Variants in BTN2A2 observed in about 807,000 individuals in gnomAD.
BTN2A2 encodes the protein butyrophilin subfamily 2 member A2.
In BTN2A2, 29 loss-of-function variants were observed where a neutral mutation model predicts 34.7. The ratio of observed to expected loss-of-function variants is 0.84; its 90% CI spans 0.62 to 1.14. The LOEUF (loss-of-function observed/expected upper bound fraction) is 1.14, where lower values mean the gene tolerates loss of function less well. BTN2A2 is among the 50% of genes most tolerant of loss of function. The probability of loss-of-function intolerance (pLI) is 0.00; values close to 1 mark genes in which losing one functional copy is unlikely to be tolerated. For missense variants in BTN2A2, 612 were observed against 651.5 expected (o/e 0.94, Z 0.66); for synonymous variants, 240 against 253.1 (o/e 0.95, Z 0.49).
rs1471878494 is a variant in BTN2A2 at position 26,392,789 on chromosome 6, G to T, written c.1394G>T (p.Arg465Ile). The change falls in exon 8 of 8, where the codon AGA becomes ATA. Residue 465 changes from arginine (R) to isoleucine (I), a missense_variant. Coordinates refer to ENST00000356709, the MANE Select transcript of BTN2A2 (RefSeq NM_006995.5). ...GTCTCCTTCTACAACATGAGGGACA[G>T]ATCGCACATCTACACATGTCCCCGT... ...GDVSFYNMRDRSHIYTCPRSA... is the reference protein window; with the variant it reads ...GDVSFYNMRDISHIYTCPRSA... The T allele has an allele frequency of 1.2e-6, 2 of 1,613,868 alleles. No homozygotes were observed. Among genetic ancestry groups the T allele is most frequent in the Non-Finnish European group, 1.7e-6 (2 of 1,179,940 alleles).
chr6:26,389,993 CT>C lies in BTN2A2; in HGVS notation c.725-11del, dbSNP rs756556205. 6.2e-7 allele frequency: 1 copy of C among 1,609,856 alleles called. No individual in the cohort carries two copies. The highest frequency in any genetic ancestry group is 8.5e-7 in the Non-Finnish European group (1 of 1,178,028). Reference sequence around the variant, plus strand: ...TTTCAAACTAAATGGACTTTTCTGGCTGCCTTTTCAGAATCCTTTATGCCCA... The same window carrying C: ...TTTCAAACTAAATGGACTTTTCTGGCGCCTTTTCAGAATCCTTTATGCCCA... On this transcript the variant is annotated splice_polypyrimidine_tract_variant and intron_variant, in intron 4 of 7. Transcript: ENST00000356709.
chr6:26,392,164 C>T lies in BTN2A2; in HGVS notation c.980-211C>T, dbSNP rs1581607244. Reference sequence around the variant, plus strand: ...TTCATAGAGCCACAATTCTTCTCAACCTGGGGGCACTGCTTCTGTCTCTGG... The same window carrying T: ...TTCATAGAGCCACAATTCTTCTCAATCTGGGGGCACTGCTTCTGTCTCTGG... On this transcript the variant is annotated intron_variant, in intron 7 of 7. Coordinates refer to ENST00000356709, the MANE Select transcript of BTN2A2 (RefSeq NM_006995.5). 1.5e-5 allele frequency: 22 copies of T among 1,466,494 alleles called. No individual in the cohort carries two copies. In the South Asian group the frequency reaches 2.4e-4, roughly 16 times the overall value. 90.8% of individuals were successfully genotyped at this position (1,466,494 alleles called of 1,614,324 possible). A position where few individuals can be genotyped will look rare whatever the true frequency, so the allele number is the denominator to read the frequency against.
chr6:26,388,992 C>T (rs1042404462), intron 4 of BTN2A2, among the ~76,000 whole-genome samples: 15 of 152,064 alleles, frequency 9.9e-5, no homozygotes, highest in Non-Finnish European at 8.8e-5. Context: ...CGGTAGCAGG[C>T]GCCTGTAATC....
In BTN2A2 at chr6:26,392,884, C is replaced by A; in HGVS notation, c.1489C>A (p.Pro497Thr). 1.2e-6 allele frequency: 2 copies of A among 1,614,192 alleles called. No homozygotes were observed. The highest frequency in any genetic ancestry group is 1.7e-6 in the Non-Finnish European group (2 of 1,180,034). Residue 497 changes from proline to threonine, a missense_variant, in exon 8 of 8, where the codon CCT (proline) becomes ACT (threonine). By Grantham distance (38) the Pro-to-Thr change is conservative. Transcript: ENST00000356709. ...GSDDSPIFIC[P>T]ALTGASGVMV... ...TGATGACAGCCCCATCTTCATCTGC[C>A]CTGCACTCACAGGAGCCAGTGGGGT... is the stretch of plus-strand genomic sequence containing the variant.
chr6:26,387,511 G>A (rs1026786274), intron 3 of BTN2A2, among the ~76,000 whole-genome samples: 1 of 148,846 alleles, frequency 6.7e-6, no homozygotes, highest in African/African-American at 2.5e-5. Flanking sequence ...CAGGTGAATT[G>A]CCTTAGCTCA....
In BTN2A2 at chr6:26,393,325, TGGACTTGGAATGAG is replaced by T. The variant is rs1256696558; in HGVS notation, c.*360_*373del. 1 of 1,231,208 alleles carries T rather than the reference TGGACTTGGAATGAG, an allele frequency of 8.1e-7. No individual in the cohort carries two copies. The allele number at this position is 1,231,208 out of a possible 1,614,324, so 76.3% of individuals were successfully genotyped here. On this transcript the variant is annotated 3_prime_UTR_variant, in exon 8 of 8. Transcript: ENST00000356709. The stretch of plus-strand genomic sequence containing the variant: ...ATATGCCAGTTGGCACCAGATGCTG[TGGACTTGGAATGAG>T]GCCAACAGGGTTCACCAGGATGAGA...
At chr6:26,390,852 C>G (rs1259201633) in intron 7 of BTN2A2, 23 bp downstream of exon 7, 1 of 1,613,648 alleles carries the variant, frequency 6.2e-7, no homozygotes, top group African/African-American at 1.3e-5. Context: ...GATGTTCTCT[C>G]AGATCTCAGC....
chr6:26,388,195 A>G lies in BTN2A2; in HGVS notation c.625A>G (p.Thr209Ala). Reference sequence around the variant, plus strand: ...TGCTGACGGCCTCTTCATGGTCACCACAGCTGTGATCATCAGAGACAAGTA... The same window carrying G: ...TGCTGACGGCCTCTTCATGGTCACCGCAGCTGTGATCATCAGAGACAAGTA... ...ADADGLFMVT[T>A]AVIIRDKYVR... Residue 209 changes from threonine (T) to alanine (A), a missense_variant, in exon 4 of 8, where the codon ACA becomes GCA. By Grantham distance (58) the Thr-to-Ala change is moderately conservative (BLOSUM62 0). Transcript: ENST00000356709. 6.2e-7 allele frequency: 1 copy of G among 1,614,170 alleles called. No individual in the cohort carries two copies. The highest frequency in any genetic ancestry group is 8.5e-7 in the Non-Finnish European group (1 of 1,180,032).
At position 26,385,271 on chromosome 6, in the gene BTN2A2, T is replaced by C. The variant is rs1185218497; in HGVS notation, c.351T>C (p.His117=). The stretch of plus-strand genomic sequence containing the variant: ...GGGGCAGCGTGGCCCTGGTCATACA[T>C]AACGTCACAGCCCAGGAGAATGGGA... ...INRGSVALVI[H]NVTAQENGIY... Residue 117 remains histidine (H), a synonymous_variant, in exon 3 of 8, where the codon CAT becomes CAC. Transcript: ENST00000356709. 1 of 1,614,124 alleles carries C rather than the reference T, an allele frequency of 6.2e-7. No individual in the cohort carries two copies. Among genetic ancestry groups the C allele is most frequent in the Non-Finnish European group, 8.5e-7 (1 of 1,180,018 alleles).
rs1475201028 is a variant in BTN2A2, at chr6:26,392,844, C to T, written c.1449C>T (p.Phe483=). ...RSAFTVPVRP[F]FRLGSDDSPI... is the part of the protein sequence containing the mutation. The stretch of plus-strand genomic sequence containing the variant: ...CCTTTACTGTGCCTGTGAGGCCCTT[C>T]TTCAGGTTAGGGTCTGATGACAGCC... The change falls in exon 8 of 8, where the codon TTC becomes TTT. Residue 483 remains phenylalanine, a synonymous_variant. Transcript: ENST00000356709. 6.2e-7 allele frequency: 1 copy of T among 1,614,208 alleles called. No individual in the cohort carries two copies. The highest frequency in any genetic ancestry group is 1.1e-5 in the South Asian group (1 of 91,086).
chr6:26,390,196 G>A lies in BTN2A2; in HGVS notation c.916G>A (p.Glu306Lys). 6.2e-7 allele frequency: 1 copy of A among 1,613,664 alleles called. No individual in the cohort carries two copies. The highest frequency in any genetic ancestry group is 8.5e-7 in the Non-Finnish European group (1 of 1,179,866). ...LSGEKKVEQE[E>K]KEIAQQLQEE... ...AGGGGAAAAGAAAGTTGAACAAGAG[G>A]AAAAAGAAATTGCACGTAAGGAATT... The change falls in exon 5 of 8, where the codon GAA becomes AAA. Residue 306 changes from glutamate to lysine, a missense_variant. Coordinates refer to ENST00000356709, the MANE Select transcript of BTN2A2 (RefSeq NM_006995.5).
intron 3 of BTN2A2, among the ~76,000 whole-genome samples, chr6:26,387,580 AAAAG>A (rs61032872): frequency 0.16 from 20,297 of 127,836 alleles, 3,448 homozygotes; most frequent in African/African-American, 0.44. Flanking sequence ...AAAAAAAAAA[AAAAG>A]AAAGAAAGGA....
intron 4 of BTN2A2, 41 bp from the exon 5 acceptor site, chr6:26,389,964 T>G: frequency 6.3e-7 from 1 of 1,597,410 alleles, no homozygotes; most frequent in South Asian, 1.1e-5. Flanking sequence ...ATCCAGATGT[T>G]CTATTTCAAA....
chr6:26,393,198 T>C lies in BTN2A2; in HGVS notation c.*231T>C. Reference sequence around the variant, plus strand: ...GTAATTATGGGATGGGATCCAGGCATAGGGAACTAGTTGTTTCATAGCTCC... The same window carrying C: ...GTAATTATGGGATGGGATCCAGGCACAGGGAACTAGTTGTTTCATAGCTCC... On this transcript the variant is annotated 3_prime_UTR_variant, in exon 8 of 8. Coordinates refer to ENST00000356709, the MANE Select transcript of BTN2A2 (RefSeq NM_006995.5). 1 of 1,539,418 alleles carries C rather than the reference T, an allele frequency of 6.5e-7. No homozygotes were observed. Among genetic ancestry groups the C allele is most frequent in the Non-Finnish European group, 8.7e-7 (1 of 1,147,610 alleles).
In BTN2A2 at chr6:26,384,522, A is replaced by G. The variant is rs1240453043; in HGVS notation, c.95-493A>G. 2.0e-5 allele frequency among the ~76,000 whole-genome samples: 3 copies of G among 152,268 alleles called. No individual in the cohort carries two copies. Among genetic ancestry groups the G allele is most frequent in the Non-Finnish European group, 2.9e-5 (2 of 68,048 alleles). Reference sequence around the variant, plus strand: ...TGTATTTTGTTTCATATAAATAATCACATATCAATATTTAAATGCTTAGTT... The same window carrying G: ...TGTATTTTGTTTCATATAAATAATCGCATATCAATATTTAAATGCTTAGTT... On this transcript the variant is annotated intron_variant, in intron 2 of 7. Transcript: ENST00000356709. The surrounding 1 kb of genome is among the most constrained non-coding windows in gnomAD (Gnocchi z 4.0).
chr6:26,390,502 A>G, intron 5 of BTN2A2, 185 bp from the exon 6 acceptor site: 1 of 787,956 alleles, frequency 1.3e-6, no homozygotes, highest in Non-Finnish European at 2.1e-6. Flanking sequence ...AAGTCTAACA[A>G]TGTACTGATA....
Position 26,385,371 on chromosome 6 carries a change from C to G in BTN2A2, c.442+9C>G, listed in dbSNP as rs766746293. On this transcript the variant is annotated intron_variant, in intron 3 of 7. Transcript: ENST00000356709. ...ACGCCTCGTGGTGGCAGGTGCATCA[C>G]TTCATTTTGCTTTATTACTTTTGCA... 4 of 1,607,980 alleles carry G rather than the reference C, an allele frequency of 2.5e-6. No individual in the cohort carries two copies. The East Asian group carries it at 6.7e-5, about 27-fold the overall frequency.
At chr6:26,385,453 G>A (rs1355750464) in intron 3 of BTN2A2, 91 bp downstream of exon 3, 21 of 1,255,830 alleles carry the variant, frequency 1.7e-5, no homozygotes, top group Non-Finnish European at 2.2e-5. Flanking sequence ...GCAGACCAAC[G>A]GATTTCTATC....
rs181721317 is a variant in BTN2A2 at position 26,393,095 on chromosome 6, C to T, written c.*128C>T. ...ACGTAAGAGAACATCTTCCAGCTGCCTTTTTCACACCCACTCCAGCCCTCT... is the reference window on the plus strand; with the variant it reads ...ACGTAAGAGAACATCTTCCAGCTGCTTTTTTCACACCCACTCCAGCCCTCT... On this transcript the variant is annotated 3_prime_UTR_variant, in exon 8 of 8. Coordinates refer to ENST00000356709, the MANE Select transcript of BTN2A2 (RefSeq NM_006995.5). The T allele has an allele frequency of 1.3e-4, 208 of 1,610,314 alleles. No homozygotes were observed. In the Admixed American group the frequency reaches 1.9e-3, roughly 15 times the overall value.
Sources: gnomAD v4.1 joint callset for allele counts (sites outside exome capture counted in the v4.1 genomes callset) on GRCh38, gnomAD v4.1.1 for gene constraint, Gnocchi (gnomAD v3.1) non-coding constraint, MANE v1.5 for transcripts, NCBI Gene and HGNC (gene_info 2026-07-23, HGNC 2026-07-21) for gene names.